AGBL1: variants seen among roughly 807,000 people sequenced by gnomAD.
AGBL1 encodes the protein cytosolic carboxypeptidase 4.
A neutral mutation model predicts 118.9 loss-of-function variants in AGBL1; 130 were observed. The observed-to-expected ratio is 1.09, with a 90% confidence interval of 0.95 to 1.26. The LOEUF (loss-of-function observed/expected upper bound fraction) is 1.26, where lower values mean the gene tolerates loss of function less well. Ranked by LOEUF, AGBL1 falls within the 50% of genes most tolerant of loss-of-function variation. The probability of loss-of-function intolerance (pLI) is 0.00; values close to 1 mark genes in which losing one functional copy is unlikely to be tolerated. For missense variants in AGBL1, 1,584 were observed against 1,298.1 expected (o/e 1.22, Z -3.38); for synonymous variants, 555 against 478.9 (o/e 1.16, Z -2.08).
At chr15:86,113,817 G>A in intron 1 of AGBL1, among the ~76,000 whole-genome samples, 1 of 152,162 alleles carries the variant, frequency 6.6e-6, no homozygotes, top group South Asian at 2.1e-4. Context: ...GCAAGTTTGA[G>A]CTTTCTAGCC....
chr15:86,417,262 C>G (rs564406395), intron 18 of AGBL1, among the ~76,000 whole-genome samples: 6 of 152,306 alleles, frequency 3.9e-5, no homozygotes, highest in Admixed American at 2.0e-4. Flanking sequence ...ATGCCACATA[C>G]AGTAAGTTGA....
At chr15:86,417,094 G>C (rs910526027) in intron 18 of AGBL1, among the ~76,000 whole-genome samples, 1 of 152,182 alleles carries the variant, frequency 6.6e-6, no homozygotes, top group Non-Finnish European at 1.5e-5. Context: ...TTCCTTTATA[G>C]CATTCATCAC....
chr15:86,722,031 T>G (rs1423914346), intron 22 of AGBL1, among the ~76,000 whole-genome samples: 3 of 151,968 alleles, frequency 2.0e-5, no homozygotes, highest in Admixed American at 1.3e-4. Flanking sequence ...GGAAGAACAT[T>G]CCATGCTCAT....
At chr15:87,019,163 A>G (rs1307160754) in intron 24 of AGBL1, among the ~76,000 whole-genome samples, 3 of 152,118 alleles carry the variant, frequency 2.0e-5, no homozygotes, top group African/African-American at 7.2e-5. Flanking sequence ...CTAACACACA[A>G]AAATAGTGGG....
At chr15:86,870,543 T>C (rs186554105) in intron 22 of AGBL1, among the ~76,000 whole-genome samples, 4 of 145,098 alleles carry the variant, frequency 2.8e-5, no homozygotes, top group Non-Finnish European at 4.5e-5. Context: ...CATTTAAACA[T>C]TGCTTGTGTG....
intron 18 of AGBL1, among the ~76,000 whole-genome samples, chr15:86,426,608 T>TA (rs527575831): frequency 3.3e-4 from 50 of 152,352 alleles, no homozygotes; most frequent in African/African-American, 1.1e-3. Context: ...GGACATGAGT[T>TA]ATGCCCTGCC....
At chr15:86,404,207 C>A (rs2081490074) in intron 18 of AGBL1, among the ~76,000 whole-genome samples, 1 of 152,180 alleles carries the variant, frequency 6.6e-6, no homozygotes, top group African/African-American at 2.4e-5. Context: ...GCCCAGATTT[C>A]TGCTATTCTT....
chr15:86,550,708 A>G (rs1336182944), intron 20 of AGBL1, among the ~76,000 whole-genome samples: 1 of 152,084 alleles, frequency 6.6e-6, no homozygotes, highest in Non-Finnish European at 1.5e-5. Context: ...AGAATAACCA[A>G]AAAGAAAATT....
chr15:86,504,166 A>G (rs1312041172), intron 18 of AGBL1, among the ~76,000 whole-genome samples: 1 of 151,550 alleles, frequency 6.6e-6, no homozygotes, highest in Non-Finnish European at 1.5e-5. Flanking sequence ...TCATTATTTA[A>G]TGTCCTTCTT....
intron 22 of AGBL1, among the ~76,000 whole-genome samples, chr15:86,756,168 C>T (rs74025457): frequency 6.7e-6 from 1 of 149,844 alleles, no homozygotes. Context: ...CCAGGCCAAA[C>T]AAATATCTTG....
chr15:86,406,023 A>G (rs2081524855), intron 18 of AGBL1, among the ~76,000 whole-genome samples: 1 of 152,164 alleles, frequency 6.6e-6, no homozygotes, highest in African/African-American at 2.4e-5. Context: ...TAGAGGGTGA[A>G]GGAGTCTAGA....
chr15:86,850,136 T>C (rs757214233), intron 22 of AGBL1, among the ~76,000 whole-genome samples: 2 of 152,184 alleles, frequency 1.3e-5, no homozygotes, highest in Admixed American at 6.5e-5. Flanking sequence ...TTCAGCTGTT[T>C]CCCATGTGTA....
At chr15:86,426,529 G>A (rs948245575) in intron 18 of AGBL1, among the ~76,000 whole-genome samples, 1 of 152,210 alleles carries the variant, frequency 6.6e-6, no homozygotes, top group Admixed American at 6.5e-5. Flanking sequence ...CTTTCAGGAA[G>A]TATCAACTTC....
chr15:86,335,272 G>A (rs557121538), intron 17 of AGBL1, among the ~76,000 whole-genome samples: 1 of 152,160 alleles, frequency 6.6e-6, no homozygotes, highest in East Asian at 1.9e-4. Context: ...CCGAGTAGCT[G>A]GGACTACAGG....
intron 7 of AGBL1, among the ~76,000 whole-genome samples, chr15:86,255,565 C>A (rs1319682919): frequency 2.0e-5 from 3 of 152,118 alleles, no homozygotes; most frequent in African/African-American, 7.2e-5. Flanking sequence ...GTATTTTATC[C>A]TGAGGTCAGG....
At chr15:86,702,630 C>T (rs999785931) in intron 22 of AGBL1, among the ~76,000 whole-genome samples, 1 of 152,142 alleles carries the variant, frequency 6.6e-6, no homozygotes, top group East Asian at 1.9e-4. Flanking sequence ...TTCCAGTCCT[C>T]ATTGCACTAT....
At chr15:86,431,722 C>T (rs1223642466) in intron 18 of AGBL1, among the ~76,000 whole-genome samples, 1 of 152,194 alleles carries the variant, frequency 6.6e-6, no homozygotes, top group Non-Finnish European at 1.5e-5. Flanking sequence ...TACACTGTAT[C>T]AGCTTTTGGA....
chr15:86,689,236 A>T (rs111676736), intron 22 of AGBL1, among the ~76,000 whole-genome samples: 3 of 152,132 alleles, frequency 2.0e-5, no homozygotes. Flanking sequence ...TTGACATTCA[A>T]GTCTCAGCTT....
intron 1 of AGBL1, among the ~76,000 whole-genome samples, chr15:86,100,526 G>A (rs1896651486): frequency 6.6e-6 from 1 of 151,778 alleles, no homozygotes; most frequent in Admixed American, 6.6e-5. Context: ...TATTATTACT[G>A]ATTTAATCTC....
Sources: gnomAD v4.1 joint callset for allele counts (sites outside exome capture counted in the v4.1 genomes callset) on GRCh38, gnomAD v4.1.1 for gene constraint, MANE v1.5 for transcripts, NCBI Gene and HGNC (gene_info 2026-07-23, HGNC 2026-07-21) for gene names.